The following B3GLCT variants were observed in gnomAD, a reference collection of about 807,000 sequenced individuals.
B3GLCT encodes the protein beta-1,3-glucosyltransferase.
In B3GLCT, 65 loss-of-function variants were observed where a neutral mutation model predicts 63.4. The ratio of observed to expected loss-of-function variants is 1.03; its 90% CI spans 0.84 to 1.26. The LOEUF is 1.26. Among genes scored for constraint, B3GLCT ranks in the 50% most tolerant of loss-of-function variants. B3GLCT has a pLI of 0.00. For synonymous variants in B3GLCT, 233 were observed against 219.2 expected, an observed-to-expected ratio of 1.06 and a Z score of -0.55; for missense variants, 577 against 604.8, an observed-to-expected ratio of 0.95 and a Z score of 0.48.
intron 12 of B3GLCT, among the ~76,000 whole-genome samples, chr13:31,290,699 A>C (rs1181133439): frequency 1.3e-5 from 2 of 151,910 alleles, no homozygotes; most frequent in East Asian, 3.9e-4. Flanking sequence ...CCACTTTTTG[A>C]TGGGGTTGTT....
intron 2 of B3GLCT, among the ~76,000 whole-genome samples, chr13:31,218,940 T>G (rs891715602): frequency 7.2e-5 from 11 of 151,900 alleles, no homozygotes; most frequent in African/African-American, 2.7e-4. Context: ...CTTTTTTTTT[T>G]TTTGCTTCTA....
At chr13:31,267,783 A>G (rs1406166744) in intron 7 of B3GLCT, among the ~76,000 whole-genome samples, 1 of 152,164 alleles carries the variant, frequency 6.6e-6, no homozygotes, top group African/African-American at 2.4e-5. Flanking sequence ...AGATGTAATT[A>G]AAAACAGTAG....
intron 4 of B3GLCT, among the ~76,000 whole-genome samples, 188 bp from the exon 5 acceptor site, chr13:31,246,835 T>A (rs1026053238): frequency 3.9e-5 from 6 of 152,054 alleles, no homozygotes; most frequent in Admixed American, 3.9e-4. Context: ...TTCCAGTAGC[T>A]CCTGGAGAAA....
At chr13:31,300,273 C>A (rs1042201583) in intron 12 of B3GLCT, among the ~76,000 whole-genome samples, 6 of 152,130 alleles carry the variant, frequency 3.9e-5, no homozygotes, top group Non-Finnish European at 8.8e-5. Flanking sequence ...TGTATAAATT[C>A]TGTTTGATAA....
At chr13:31,256,041 T>G (rs1871721719) in intron 6 of B3GLCT, among the ~76,000 whole-genome samples, 2 of 152,124 alleles carry the variant, frequency 1.3e-5, no homozygotes, top group African/African-American at 4.8e-5. Context: ...TTGCAATCTA[T>G]CCATCTGACA....
At chr13:31,202,639 G>T (rs923255592) in intron 1 of B3GLCT, among the ~76,000 whole-genome samples, 2 of 152,172 alleles carry the variant, frequency 1.3e-5, no homozygotes, top group Non-Finnish European at 2.9e-5. Context: ...TGCATATAGG[G>T]GCAGCTAGTG....
intron 10 of B3GLCT, among the ~76,000 whole-genome samples, chr13:31,278,876 T>C (rs577811627): frequency 1.3e-5 from 2 of 152,352 alleles, no homozygotes; most frequent in Admixed American, 6.5e-5. Context: ...ATGATAATTA[T>C]TGTTATTCAC....
chr13:31,329,806 T>A lies in B3GLCT; in HGVS notation c.*138T>A. 1 of 940,738 alleles carries A rather than the reference T, an allele frequency of 1.1e-6. No individual in the cohort carries two copies. The highest frequency in any genetic ancestry group is 1.6e-6 in the Non-Finnish European group (1 of 611,528). The allele number at this position is 940,738 out of a possible 1,614,324, so 58.3% of individuals were successfully genotyped here. A position where few individuals can be genotyped will look rare whatever the true frequency, so the allele number is the denominator to read the frequency against. ...CCTGACTTTAGGGGGAGATTTTATG[T>A]ATGGTATTTTTTGACAGAGGAAGAA... On this transcript the variant is annotated 3_prime_UTR_variant, in exon 15 of 15. Coordinates refer to ENST00000343307, the MANE Select transcript of B3GLCT (RefSeq NM_194318.4).
chr13:31,317,641 C>T lies in B3GLCT; in HGVS notation c.1140C>T (p.Tyr380=), dbSNP rs199908878. The T allele has an allele frequency of 2.5e-5, 41 of 1,613,908 alleles. No homozygotes were observed. The Middle Eastern group carries it at 1.2e-3, about 45-fold the overall frequency. ...TGTTTCTGGGAGAGCGCTACGGCTA[C>T]GGCCTGGGCACTGGTGGCTACAGCT... ...EPVFLGERYG[Y]GLGTGGYSYI... is the part of the protein sequence containing the mutation. Residue 380 remains tyrosine (Y), a synonymous_variant, in exon 13 of 15, where the codon TAC becomes TAT. Coordinates refer to ENST00000343307, the MANE Select transcript of B3GLCT (RefSeq NM_194318.4).
chr13:31,271,902 T>A (rs1259321211), intron 8 of B3GLCT, among the ~76,000 whole-genome samples: 1 of 152,220 alleles, frequency 6.6e-6, no homozygotes, highest in African/African-American at 2.4e-5. Context: ...TACATCCTCT[T>A]AGTGAATTTG....
intron 1 of B3GLCT, among the ~76,000 whole-genome samples, chr13:31,210,480 T>A (rs1283029914): frequency 6.6e-6 from 1 of 152,234 alleles, no homozygotes; most frequent in Non-Finnish European, 1.5e-5. Flanking sequence ...GATCTTTCCC[T>A]CACTCCTTCT....
chr13:31,260,807 C>A, intron 6 of B3GLCT, 139 bp from the exon 7 acceptor site: 1 of 773,996 alleles, frequency 1.3e-6, no homozygotes, highest in Non-Finnish European at 2.1e-6. Context: ...TGTTCACATT[C>A]TCTAGAAATA....
chr13:31,289,082 AT>A (rs1003969579), intron 12 of B3GLCT, among the ~76,000 whole-genome samples: 2 of 152,098 alleles, frequency 1.3e-5, no homozygotes, highest in African/African-American at 4.8e-5. Context: ...GGAACTGAAA[AT>A]TCATTGAAGG....
chr13:31,269,324 A>G (rs757171826), intron 8 of B3GLCT, 47 bp downstream of exon 8: 1 of 1,350,306 alleles, frequency 7.4e-7, no homozygotes, highest in Non-Finnish European at 1.1e-6. Flanking sequence ...TCAAGAATTC[A>G]TGTCCTTTGA....
chr13:31,269,238 A>C lies in B3GLCT; in HGVS notation c.621A>C (p.Glu207Asp). The C allele has an allele frequency of 6.2e-7, 1 of 1,610,486 alleles. No individual in the cohort carries two copies. The highest frequency in any genetic ancestry group is 8.5e-7 in the Non-Finnish European group (1 of 1,176,928). Reference protein sequence around the residue: ...VNKLTKRLKSESLKSDFTIDL... With the variant: ...VNKLTKRLKSDSLKSDFTIDL... ...GGCTTACCAAGAGACTAAAGAGTGA[A>C]TCCTTGAAATCCGACTTTACAATAG... is the stretch of plus-strand genomic sequence containing the variant. Residue 207 changes from glutamate to aspartate, a missense_variant, in exon 8 of 15, where the codon GAA (glutamate) becomes GAC (aspartate). By Grantham distance (45) the Glu-to-Asp change is conservative (BLOSUM62 2). Coordinates refer to ENST00000343307, the MANE Select transcript of B3GLCT (RefSeq NM_194318.4).
At chr13:31,239,095 T>C (rs1376892402) in intron 4 of B3GLCT, among the ~76,000 whole-genome samples, 1 of 152,138 alleles carries the variant, frequency 6.6e-6, no homozygotes, top group Non-Finnish European at 1.5e-5. Context: ...GCTTTTGGGA[T>C]GCCAAGTAGG....
chr13:31,258,176 C>A (rs1280350845), intron 6 of B3GLCT, among the ~76,000 whole-genome samples: 3 of 152,144 alleles, frequency 2.0e-5, no homozygotes, highest in African/African-American at 7.2e-5. Context: ...TGTTAAGCTG[C>A]CTACTTCATA....
At chr13:31,200,358 C>G (rs1274582010) in intron 1 of B3GLCT, among the ~76,000 whole-genome samples, 1 of 149,162 alleles carries the variant, frequency 6.7e-6, no homozygotes, top group African/African-American at 2.4e-5. Context: ...GGGCCCGGGA[C>G]CCGAGGCGTG....
intron 4 of B3GLCT, among the ~76,000 whole-genome samples, chr13:31,233,913 A>T (rs1870504801): frequency 6.6e-6 from 1 of 152,138 alleles, no homozygotes; most frequent in Non-Finnish European, 1.5e-5. Context: ...CTACGGGCAA[A>T]GTACTGGGGA....
Sources: gnomAD v4.1 joint callset for allele counts (sites outside exome capture counted in the v4.1 genomes callset) on GRCh38, gnomAD v4.1.1 for gene constraint, MANE v1.5 for transcripts, NCBI Gene and HGNC (gene_info 2026-07-23, HGNC 2026-07-21) for gene names.